The following USP40 variants were observed in gnomAD, a reference collection of about 807,000 sequenced individuals.
USP40 encodes the protein ubiquitin specific peptidase 40, also known as ubiquitin carboxyl-terminal hydrolase 40.
A neutral mutation model predicts 166.2 loss-of-function variants in USP40; 143 were observed. The observed-to-expected ratio is 0.86, with a 90% CI of 0.75 to 0.99. USP40 has a LOEUF of 0.99. Ranked by LOEUF, USP40 falls within the 50% of genes least tolerant of loss-of-function variation. The pLI is 0.00. For synonymous variants in USP40, 498 were observed against 524.0 expected (o/e 0.95, Z 0.68); for missense variants, 1,444 against 1,479.7 (o/e 0.98, Z 0.40).
At chr2:233,556,520 C>A in intron 5 of USP40, 1 of 159,038 alleles carries the variant, frequency 6.3e-6, no homozygotes, top group Non-Finnish European at 1.4e-5. Context: ...TTATTACCTC[C>A]CTAATTAACT....
intron 3 of USP40, chr2:233,561,103 T>C (rs2071554730): frequency 1.3e-6 from 2 of 1,537,510 alleles, no homozygotes. Context: ...TAATTCCTTC[T>C]TTAAAAAAAA....
At chr2:233,512,432 A>G in intron 19 of USP40, 137 bp downstream of exon 19, 1 of 437,796 alleles carries the variant, frequency 2.3e-6, no homozygotes, top group Admixed American at 4.5e-5. Flanking sequence ...TATAAAGGTA[A>G]GATACCTGGA....
chr2:233,476,840 G>A lies in USP40; in HGVS notation c.*552C>T, dbSNP rs1198345413. On this transcript the variant is annotated 3_prime_UTR_variant, in exon 32 of 32. Coordinates refer to ENST00000678225, the MANE Select transcript of USP40 (RefSeq NM_001365479.2). ...TCGCAGTTTTAACTCAGACCAAAGG[G>A]CAGACGTGGAGCATGCGGGGCCGGA... 2 of 176,814 alleles carry A rather than the reference G, an allele frequency of 1.1e-5. No homozygotes were observed. The highest frequency in any genetic ancestry group is 2.4e-5 in the Non-Finnish European group (2 of 82,090). The allele number at this position is 176,814 out of a possible 1,614,324, so 11.0% of individuals were successfully genotyped here.
Position 233,521,071 on chromosome 2 carries a change from T to A in USP40, c.2245A>T (p.Ile749Phe), listed in dbSNP as rs376822255. 79 of 1,612,314 alleles carry A rather than the reference T, an allele frequency of 4.9e-5. No homozygotes were observed. In the South Asian group the frequency reaches 8.5e-4, roughly 17 times the overall value. ...EEKWVTSMNE[I>F]DWLHVKNLCQ... is the part of the protein sequence containing the mutation. Reference sequence around the variant, plus strand: ...AAATTTTTAACGTGGAGCCAGTCAATCTCATTCATACTAGTGACCCATTTC... The same window carrying A: ...AAATTTTTAACGTGGAGCCAGTCAAACTCATTCATACTAGTGACCCATTTC... The change falls in exon 17 of 32, where the codon ATT becomes TTT. Residue 749 changes from isoleucine (I) to phenylalanine (F), a missense_variant. Transcript: ENST00000678225.
At chr2:233,551,115 TTGTC>T (rs1326070958) in intron 7 of USP40, among the ~76,000 whole-genome samples, 1 of 152,204 alleles carries the variant, frequency 6.6e-6, no homozygotes, top group Non-Finnish European at 1.5e-5. Flanking sequence ...ATATTTGGCT[TTGTC>T]TGAAGACAGT....
intron 22 of USP40, 23 bp downstream of exon 22, chr2:233,499,856 T>C (rs781360970): frequency 1.1e-5 from 17 of 1,604,292 alleles, no homozygotes; most frequent in South Asian, 3.4e-5. Context: ...TTAAGTAATA[T>C]GTCATCATGG....
In USP40 at chr2:233,499,933, G is replaced by T; in HGVS notation, c.2614-18C>A. 1.2e-6 allele frequency: 2 copies of T among 1,609,096 alleles called. No homozygotes were observed. Among genetic ancestry groups the T allele is most frequent in the African/African-American group, 1.3e-5 (1 of 74,840 alleles). On this transcript the variant is annotated intron_variant, in intron 21 of 31. Transcript: ENST00000678225. Reference sequence around the variant, plus strand: ...TTTAAACACTGTAAAGAAAAACAATGTCCAATGTTAGTTTTCTGTTTCTGA... The same window carrying T: ...TTTAAACACTGTAAAGAAAAACAATTTCCAATGTTAGTTTTCTGTTTCTGA...
intron 14 of USP40, 24 bp from the exon 15 acceptor site, chr2:233,524,586 C>G: frequency 2.6e-6 from 4 of 1,544,928 alleles, no homozygotes; most frequent in Non-Finnish European, 3.5e-6. Flanking sequence ...ACCAGTGAGA[C>G]CATTCATCAT....
rs1404416688 is a variant in USP40, at chr2:233,527,753, A to T, written c.1554-175T>A. Among the ~76,000 whole-genome samples the T allele has an allele frequency of 2.6e-5, 4 of 152,320 alleles. No homozygotes were observed. The South Asian group carries it at 6.2e-4, about 24-fold the overall frequency. On this transcript the variant is annotated intron_variant, in intron 12 of 31. Coordinates refer to ENST00000678225, the MANE Select transcript of USP40 (RefSeq NM_001365479.2). ...ATTTTTCAGTCAATAGCAAAAATTC[A>T]GTTCTGTCACCATGAATTCCAAGAG... is the stretch of plus-strand genomic sequence containing the variant.
chr2:233,510,395 T>TC (rs1292458878), intron 20 of USP40, among the ~76,000 whole-genome samples: 3 of 128,348 alleles, frequency 2.3e-5, no homozygotes, highest in African/African-American at 9.3e-5. Context: ...TTTCTTTCTT[T>TC]TTTTTTTTTT....
intron 24 of USP40, among the ~76,000 whole-genome samples, chr2:233,494,967 TATATATATATATACACAC>T (rs2065647844): frequency 4.4e-5 from 3 of 67,798 alleles, no homozygotes; most frequent in African/African-American, 2.4e-4. Context: ...TATATATATA[TATATATATATATACACAC>T]ACATAAAAAA....
chr2:233,491,180 T>C lies in USP40; in HGVS notation c.2999A>G (p.Glu1000Gly), dbSNP rs2065312314. ...IEISEDATLA[E>G]LKSQAMTLPP... ...AAGAAGTCTGACCTGAGACTTCAGC[T>C]CCGCCAGCGTGGCATCTTCTGAGAT... Residue 1000 changes from glutamate to glycine, a missense_variant, in exon 26 of 32, where the codon GAG (glutamate) becomes GGG (glycine). By Grantham distance (98) the Glu-to-Gly change is moderately conservative. Coordinates refer to ENST00000678225, the MANE Select transcript of USP40 (RefSeq NM_001365479.2). 6.2e-7 allele frequency: 1 copy of C among 1,608,950 alleles called. No homozygotes were observed. The highest frequency in any genetic ancestry group is 1.3e-5 in the African/African-American group (1 of 74,980).
chr2:233,499,588 T>C lies in USP40; in HGVS notation c.2650+291A>G, dbSNP rs189104322. ...AGGTCTTTGAGGAGTTGCCACACTG[T>C]CTTCCACAATGGTTGACCTAATTTA... On this transcript the variant is annotated intron_variant, in intron 22 of 31. Transcript: ENST00000678225. Among the ~76,000 whole-genome samples the C allele has an allele frequency of 6.4e-3, 977 of 152,328 alleles. 4 individuals carry two copies. Among genetic ancestry groups the C allele is most frequent in the African/African-American group, 0.022 (924 of 41,576 alleles).
At chr2:233,520,523 G>A (rs1413771965) in intron 17 of USP40, among the ~76,000 whole-genome samples, 2 of 152,044 alleles carry the variant, frequency 1.3e-5, no homozygotes, top group Non-Finnish European at 2.9e-5. Flanking sequence ...TTCAAATGGA[G>A]AACTGAAAGA....
intron 30 of USP40, among the ~76,000 whole-genome samples, chr2:233,483,465 T>C (rs1210076614): frequency 2.0e-5 from 3 of 152,156 alleles, no homozygotes; most frequent in African/African-American, 7.2e-5. Context: ...CACTCCAACC[T>C]GGGTGACGGA....
At chr2:233,494,951 TA>T (rs2065622721) in intron 24 of USP40, among the ~76,000 whole-genome samples, 1 of 31,458 alleles carries the variant, frequency 3.2e-5, no homozygotes, top group Non-Finnish European at 5.5e-5. Context: ...TATATATATA[TA>T]TATTTATATA....
chr2:233,522,751 T>C (rs1559250460), intron 16 of USP40, among the ~76,000 whole-genome samples: 1 of 152,230 alleles, frequency 6.6e-6, no homozygotes. Context: ...AGTTGTCTTA[T>C]GGGTCTCCTG....
At chr2:233,553,978 G>C (rs1222031198) in intron 6 of USP40, among the ~76,000 whole-genome samples, 3 of 152,194 alleles carry the variant, frequency 2.0e-5, no homozygotes, top group African/African-American at 7.2e-5. Flanking sequence ...GAGTGAGGAA[G>C]AACATATGTC....
chr2:233,547,138 T>G (rs2070025556), intron 8 of USP40: 1 of 152,210 alleles, frequency 6.6e-6, no homozygotes, highest in African/African-American at 2.4e-5. Flanking sequence ...CATAGATGAC[T>G]TCAACATGAG....
Sources: allele counts gnomAD v4.1 joint callset (sites outside exome capture counted in the v4.1 genomes callset), GRCh38; gene constraint gnomAD v4.1.1; transcripts MANE v1.5; gene names NCBI Gene and HGNC (gene_info 2026-07-23, HGNC 2026-07-21).